The following LMAN1 variants were observed in gnomAD, a reference collection of about 807,000 sequenced individuals.
The protein encoded by LMAN1 is lectin, mannose binding 1.
Under a neutral mutation model 67.8 loss-of-function variants are expected in LMAN1, and 32 were observed. The ratio of observed to expected loss-of-function variants is 0.47; its 90% CI spans 0.36 to 0.63. The LOEUF is 0.63. LMAN1 is among the 30% of genes least tolerant of loss of function. The pLI is 0.00. For missense variants in LMAN1, 632 were observed against 628.2 expected (o/e 1.01, Z -0.06); for synonymous variants, 235 against 219.3 (o/e 1.07, Z -0.63).
chr18:59,338,419 CCT>C lies in LMAN1; in HGVS notation c.1220+136_1220+137del, dbSNP rs979442209. 4.0e-5 allele frequency: 29 copies of C among 717,750 alleles called. 2 individuals are homozygous for C. The highest frequency in any genetic ancestry group is 2.9e-4 in the South Asian group (19 of 65,828). The allele number at this position is 717,750 out of a possible 1,614,324, so 44.5% of individuals were successfully genotyped here. ...TTAAAAGTTGCTGTATTTATGGTCC[CCT>C]ATTTGTAAAATGAATCTAGAACGGG... On this transcript the variant is annotated intron_variant, in intron 10 of 12. Transcript: ENST00000251047.
intron 11 of LMAN1, among the ~76,000 whole-genome samples, chr18:59,331,874 G>C (rs2070749751): frequency 6.6e-6 from 1 of 152,138 alleles, no homozygotes; most frequent in African/African-American, 2.4e-5. Context: ...GTTCACGCTT[G>C]CTGTAGTGGT....
In LMAN1 at chr18:59,358,794, C is replaced by G. The variant is rs531564453; in HGVS notation, c.214+237G>C. Among the ~76,000 whole-genome samples, 9 of 152,226 alleles carry G rather than the reference C, an allele frequency of 5.9e-5. No homozygotes were observed. In the South Asian group the frequency reaches 1.9e-3, roughly 32 times the overall value. The stretch of plus-strand genomic sequence containing the variant: ...GACGAGATCAAAGAAGGGAAGACAG[C>G]AGGCGGGTGAGAGAGAACAGAATGG... On this transcript the variant is annotated intron_variant, in intron 1 of 12. Coordinates refer to ENST00000251047, the MANE Select transcript of LMAN1 (RefSeq NM_005570.4).
At chr18:59,353,461 A>G (rs910970458) in intron 4 of LMAN1, among the ~76,000 whole-genome samples, 160 bp from the exon 5 acceptor site, 6 of 152,228 alleles carry the variant, frequency 3.9e-5, no homozygotes, top group Non-Finnish European at 7.3e-5. Context: ...AAGGCAGTGA[A>G]TCTCTACCCT....
At chr18:59,335,909 T>C (rs1184592905) in intron 10 of LMAN1, among the ~76,000 whole-genome samples, 1 of 152,236 alleles carries the variant, frequency 6.6e-6, no homozygotes, top group African/African-American at 2.4e-5. Flanking sequence ...TGTGTGTACT[T>C]ATATGCATAC....
rs1017756650 is a variant in LMAN1 at position 59,353,802 on chromosome 18, T to G, written c.540-501A>C. On this transcript the variant is annotated intron_variant, in intron 4 of 12. Transcript: ENST00000251047. ...TAGGACATTGGTTCCAGGACCCCTG[T>G]GGATACCAAAATCCTCAGATGCTGA... Among the ~76,000 whole-genome samples the G allele has an allele frequency of 3.9e-5, 6 of 152,328 alleles. No homozygotes were observed. In the East Asian group the frequency reaches 1.2e-3, roughly 29 times the overall value.
At chr18:59,343,258 C>T (rs1057144391) in intron 8 of LMAN1, among the ~76,000 whole-genome samples, 17 of 151,374 alleles carry the variant, frequency 1.1e-4, no homozygotes, top group African/African-American at 4.1e-4. Context: ...CACTCCCAAT[C>T]AAATTACCAA....
intron 8 of LMAN1, among the ~76,000 whole-genome samples, chr18:59,339,759 C>T (rs1428700946): frequency 6.6e-6 from 1 of 152,088 alleles, no homozygotes; most frequent in African/African-American, 2.4e-5. Context: ...GTCCCTCCTG[C>T]CTTGCTGAAG....
chr18:59,349,371 G>A (rs980314835), intron 5 of LMAN1, 135 bp from the exon 6 acceptor site: 2 of 808,952 alleles, frequency 2.5e-6, no homozygotes, highest in Non-Finnish European at 4.0e-6. Flanking sequence ...TTCCTACTTG[G>A]TGTCAATATA....
intron 8 of LMAN1, among the ~76,000 whole-genome samples, chr18:59,344,308 A>G (rs1481296055): frequency 3.3e-5 from 5 of 152,218 alleles, no homozygotes; most frequent in Non-Finnish European, 7.4e-5. Flanking sequence ...CCAAAGGGAA[A>G]GAAATCATTA....
At chr18:59,354,251 C>G (rs1051168686) in intron 4 of LMAN1, among the ~76,000 whole-genome samples, 5 of 152,096 alleles carry the variant, frequency 3.3e-5, no homozygotes, top group Admixed American at 1.3e-4. Flanking sequence ...GAGCCAGGAA[C>G]AGTCTATAAA....
chr18:59,359,137 G>A lies in LMAN1; in HGVS notation c.108C>T (p.Asp36=), dbSNP rs150194245. ...GGCGATGTGGCAACGCGACCGCGGG[G>A]TCTCCTCCCACGCCGTCGCCCCGGA... The part of the protein sequence containing the change: ...RFVRGDGVGG[D]PAVALPHRRF... The change falls in exon 1 of 13, where the codon GAC becomes GAT. Residue 36 remains aspartate, a synonymous_variant. Transcript: ENST00000251047. 10 of 1,613,988 alleles carry A rather than the reference G, an allele frequency of 6.2e-6. No homozygotes were observed. In the African/African-American group the frequency reaches 1.2e-4, roughly 19 times the overall value.
chr18:59,345,700 T>C (rs1033792755), intron 8 of LMAN1, among the ~76,000 whole-genome samples: 1 of 152,208 alleles, frequency 6.6e-6, no homozygotes, highest in Non-Finnish European at 1.5e-5. Flanking sequence ...CATGGTACTC[T>C]TTATTTCATA....
At chr18:59,355,730 C>T (rs1030371800) in intron 1 of LMAN1, 72 bp from the exon 2 acceptor site, 16 of 1,476,396 alleles carry the variant, frequency 1.1e-5, no homozygotes, top group Non-Finnish European at 1.5e-5. Flanking sequence ...TTCCAAACTG[C>T]TAAATATACC....
At chr18:59,345,344 C>T (rs1444488) in intron 8 of LMAN1, among the ~76,000 whole-genome samples, 2 of 152,090 alleles carry the variant, frequency 1.3e-5, no homozygotes, top group East Asian at 3.9e-4. Flanking sequence ...AGCACACTCA[C>T]GTTCTTAATA....
At chr18:59,335,414 C>G (rs970053070) in intron 10 of LMAN1, among the ~76,000 whole-genome samples, 3 of 127,738 alleles carry the variant, frequency 2.3e-5, no homozygotes, top group African/African-American at 8.9e-5. Flanking sequence ...GCCTAGGCAA[C>G]AAGAGCAAAA....
At position 59,355,806 on chromosome 18, in the gene LMAN1, TA is replaced by T. The variant is rs561376776; in HGVS notation, c.215-149del. 517 of 899,968 alleles carry T rather than the reference TA, an allele frequency of 5.7e-4. No homozygotes were observed. In the African/African-American group the frequency reaches 7.4e-3, roughly 13 times the overall value. The allele number at this position is 899,968 out of a possible 1,614,324, so 55.7% of individuals were successfully genotyped here. ...AATTTCATGTTGACAGTTTTAACTT[TA>T]AAAGTTTAGGGCTAACACCTCCCTT... On this transcript the variant is annotated intron_variant, in intron 1 of 12. Transcript: ENST00000251047.
At chr18:59,348,595 A>G (rs978122669) in intron 6 of LMAN1, among the ~76,000 whole-genome samples, 1 of 152,256 alleles carries the variant, frequency 6.6e-6, no homozygotes, top group Non-Finnish European at 1.5e-5. Flanking sequence ...ATTGACGTTG[A>G]ATGGTAATTT....
At chr18:59,338,483 C>T in intron 10 of LMAN1, 74 bp downstream of exon 10, 1 of 1,170,102 alleles carries the variant, frequency 8.5e-7, no homozygotes, top group Non-Finnish European at 1.3e-6. Context: ...CAATACAGTG[C>T]TTGCACACCT....
intron 10 of LMAN1, chr18:59,333,475 A>C (rs1225683177): frequency 6.7e-5 from 32 of 479,554 alleles, no homozygotes; most frequent in Admixed American, 1.1e-4. Context: ...CATGTAGAAA[A>C]TACTACTAGG....
Sources: gnomAD v4.1 joint callset for allele counts (sites outside exome capture counted in the v4.1 genomes callset) on GRCh38, gnomAD v4.1.1 for gene constraint, MANE v1.5 for transcripts, NCBI Gene and HGNC (gene_info 2026-07-23, HGNC 2026-07-21) for gene names.